The following GABRR1 variants were observed in gnomAD, a reference collection of about 807,000 sequenced individuals.
GABRR1 encodes gamma-aminobutyric acid receptor subunit rho-1.
GABRR1 carries 59 observed loss-of-function variants against 55.5 expected under a neutral mutation model. The ratio of observed to expected loss-of-function variants is 1.06; its 90% CI spans 0.86 to 1.32. The LOEUF (loss-of-function observed/expected upper bound fraction) is 1.32, where lower values mean the gene tolerates loss of function less well. Among genes scored for constraint, GABRR1 ranks in the 40% most tolerant of loss-of-function variants. The probability of loss-of-function intolerance (pLI) is 0.00; values close to 1 mark genes in which losing one functional copy is unlikely to be tolerated. For synonymous variants in GABRR1, 213 were observed against 226.0 expected (o/e 0.94, Z 0.51); for missense variants, 602 against 619.1 (o/e 0.97, Z 0.29).
At chr6:89,215,613 A>G (rs2127808651) in intron 1 of GABRR1, among the ~76,000 whole-genome samples, 1 of 152,336 alleles carries the variant, frequency 6.6e-6, no homozygotes, top group South Asian at 2.1e-4. Context: ...ATTGCACAGC[A>G]TGGTGACCAC....
intron 1 of GABRR1, among the ~76,000 whole-genome samples, chr6:89,215,841 TAAA>T (rs1340553234): frequency 2.0e-5 from 3 of 152,224 alleles, no homozygotes; most frequent in Non-Finnish European, 1.5e-5. Flanking sequence ...ATAAATTATT[TAAA>T]AGAAAGTCTA....
chr6:89,196,690 C>T (rs1371105981), intron 5 of GABRR1, among the ~76,000 whole-genome samples: 1 of 151,752 alleles, frequency 6.6e-6, no homozygotes, highest in Non-Finnish European at 1.5e-5. Context: ...GGTCAGATTA[C>T]TGCTTGGGCC....
intron 1 of GABRR1, among the ~76,000 whole-genome samples, chr6:89,229,509 C>T (rs970992187): frequency 8.1e-5 from 12 of 148,866 alleles, no homozygotes; most frequent in Non-Finnish European, 1.2e-4. Context: ...TTTTATTTCT[C>T]CTTCACTTAT....
upstream of GABRR1, among the ~76,000 whole-genome samples, chr6:89,219,686 C>T (rs1173303715): frequency 6.6e-6 from 1 of 152,164 alleles, no homozygotes; most frequent in African/African-American, 2.4e-5. Flanking sequence ...TAGATGTTAA[C>T]ACGTAGCAAA....
chr6:89,182,021 C>A lies in GABRR1; in HGVS notation c.833G>T (p.Arg278Leu), dbSNP rs538977133. The A allele has an allele frequency of 1.2e-6, 2 of 1,613,982 alleles. No homozygotes were observed. Among genetic ancestry groups the A allele is most frequent in the South Asian group, 2.2e-5 (2 of 91,050 alleles). Residue 278 changes from arginine to leucine, a missense_variant, in exon 8 of 10, where the codon CGT becomes CTT. This residue lies in a region of GABRR1 where 435 missense variants were observed against 424.2 expected (regional missense o/e 1.03). Coordinates refer to ENST00000454853, the MANE Select transcript of GABRR1 (RefSeq NM_002042.5). ...GAGCAAGAAGAAGAAGATGTGGCGA[C>A]GCAACGTGAAATTAATGTAGAGACG... ...YNRLYINFTL[R>L]RHIFFFLLQT...
intron 1 of GABRR1, among the ~76,000 whole-genome samples, chr6:89,215,794 C>T (rs1772963678): frequency 6.6e-6 from 1 of 152,126 alleles, no homozygotes; most frequent in African/African-American, 2.4e-5. Flanking sequence ...TTAATATATA[C>T]AATCATAATT....
intron 1 of GABRR1, among the ~76,000 whole-genome samples, chr6:89,203,755 G>C (rs1188953182): frequency 6.6e-6 from 1 of 152,216 alleles, no homozygotes; most frequent in Non-Finnish European, 1.5e-5. Context: ...CTACCCGGGC[G>C]TGAAATGGAC....
chr6:89,213,155 T>C (rs1452182082), intron 1 of GABRR1, among the ~76,000 whole-genome samples: 1 of 152,048 alleles, frequency 6.6e-6, no homozygotes, highest in East Asian at 1.9e-4. Context: ...GGGAGTAAAA[T>C]GTAAAGAGCC....
chr6:89,192,209 T>TA (rs1240002613), intron 5 of GABRR1, among the ~76,000 whole-genome samples: 2 of 152,082 alleles, frequency 1.3e-5, no homozygotes, highest in Non-Finnish European at 2.9e-5. Context: ...TGGAAGCTGA[T>TA]ACTTTCTTTC....
At position 89,191,322 on chromosome 6, in the gene GABRR1, T is replaced by C. The variant is rs145213761; in HGVS notation, c.573-1075A>G. Among the ~76,000 whole-genome samples, 58 of 152,314 alleles carry C rather than the reference T, an allele frequency of 3.8e-4. 2 individuals are homozygous for C. The East Asian group carries it at 0.011, about 28-fold the overall frequency. ...GTGGGGGTCAGGCTGGCAGCTGACT[T>C]GGATGCCTAATGGGTGGGTTTCCAT... On this transcript the variant is annotated intron_variant, in intron 5 of 9. Coordinates refer to ENST00000454853, the MANE Select transcript of GABRR1 (RefSeq NM_002042.5).
intron 1 of GABRR1, among the ~76,000 whole-genome samples, chr6:89,230,610 G>A (rs1227202261): frequency 5.3e-5 from 8 of 152,170 alleles, no homozygotes; most frequent in Admixed American, 1.3e-4. Flanking sequence ...TGAGGAGGCA[G>A]TCTGCCGGTT....
intron 1 of GABRR1, chr6:89,204,552 G>C: frequency 9.9e-7 from 1 of 1,014,724 alleles, no homozygotes; most frequent in Non-Finnish European, 1.3e-6. Context: ...AGGAGGGAAT[G>C]AAAGAGGAGA....
At position 89,184,995 on chromosome 6, in the gene GABRR1, C is replaced by T. The variant is rs139740443; in HGVS notation, c.796+315G>A. ...CCGACTCCAGGGCTCAAGGGATCTC[C>T]CACCTCAGCCTTCCAGATAGCTGGG... On this transcript the variant is annotated intron_variant, in intron 7 of 9. Transcript: ENST00000454853. 2.0e-4 allele frequency among the ~76,000 whole-genome samples: 30 copies of T among 151,562 alleles called. No individual in the cohort carries two copies. The East Asian group carries it at 5.2e-3, about 26-fold the overall frequency.
At chr6:89,181,171 C>A (rs1411350476) in intron 8 of GABRR1, among the ~76,000 whole-genome samples, 1 of 152,172 alleles carries the variant, frequency 6.6e-6, no homozygotes, top group East Asian at 1.9e-4. Context: ...TGGAAATTTG[C>A]CCAGGATTTC....
upstream of GABRR1, among the ~76,000 whole-genome samples, chr6:89,220,851 G>A (rs940091140): frequency 6.6e-6 from 1 of 152,186 alleles, no homozygotes; most frequent in South Asian, 2.1e-4. Context: ...CTCCCGAGTA[G>A]CTGGGATTAC....
intron 5 of GABRR1, among the ~76,000 whole-genome samples, chr6:89,195,324 A>G: frequency 6.6e-6 from 1 of 152,058 alleles, no homozygotes; most frequent in African/African-American, 2.4e-5. Flanking sequence ...TTAGCCAGGC[A>G]TGGTGGCATG....
chr6:89,184,283 A>G (rs1238313724), intron 7 of GABRR1, among the ~76,000 whole-genome samples: 2 of 150,702 alleles, frequency 1.3e-5, no homozygotes, highest in African/African-American at 4.9e-5. Flanking sequence ...AGACTTCACC[A>G]CTATACAATT....
rs1229708749 is a variant in GABRR1, at chr6:89,227,479, G to T, written c.-411+3737C>A. On this transcript the variant is annotated intron_variant, in intron 1 of 11. Transcript: ENST00000369451. Reference sequence around the variant, plus strand: ...TTGAGAGTTTTTAGCATGAAGGGTTGTTGAATTTTGTCAAAGGCTTTTTCT... The same window carrying T: ...TTGAGAGTTTTTAGCATGAAGGGTTTTTGAATTTTGTCAAAGGCTTTTTCT... Among the ~76,000 whole-genome samples, 2 of 31,526 alleles carry T rather than the reference G, an allele frequency of 6.3e-5. 1 individual carries two copies. Among genetic ancestry groups the T allele is most frequent in the South Asian group, 2.1e-3 (2 of 932 alleles). The allele number at this position is 31,526 out of a possible 152,430, so 20.7% of individuals were successfully genotyped here.
At chr6:89,200,706 A>G (rs570540635) in intron 3 of GABRR1, among the ~76,000 whole-genome samples, 1 of 152,242 alleles carries the variant, frequency 6.6e-6, no homozygotes, top group African/African-American at 2.4e-5. Context: ...CTAAATCATT[A>G]TTCTCTCAAG....
Sources: allele counts gnomAD v4.1 joint callset (sites outside exome capture counted in the v4.1 genomes callset), GRCh38; gene constraint gnomAD v4.1.1; regional missense constraint gnomAD v4.1.1; transcripts MANE v1.5; gene names NCBI Gene and HGNC (gene_info 2026-07-23, HGNC 2026-07-21).